Variants in VPS4B observed in about 807,000 individuals in gnomAD.
The protein encoded by VPS4B is vacuolar protein sorting-associated protein 4B.
A neutral mutation model predicts 56.1 loss-of-function variants in VPS4B; 23 were observed. That is an observed-to-expected ratio of 0.41 (90% CI 0.30 to 0.58). The LOEUF (loss-of-function observed/expected upper bound fraction) is 0.58. Ranked by LOEUF, VPS4B falls within the 20% of genes least tolerant of loss-of-function variation. The pLI is 0.29. For missense variants in VPS4B, 372 were observed against 531.9 expected, an observed-to-expected ratio of 0.70 and a Z score of 2.96; for synonymous variants, 177 against 186.0, an observed-to-expected ratio of 0.95 and a Z score of 0.39.
At chr18:63,417,005 T>C (rs1056111269) in intron 1 of VPS4B, among the ~76,000 whole-genome samples, 2 of 152,090 alleles carry the variant, frequency 1.3e-5, no homozygotes, top group African/African-American at 2.4e-5. Flanking sequence ...TTTAGGGAGG[T>C]AGGTTCCATG....
chr18:63,407,585 T>C (rs759092848), intron 3 of VPS4B, 86 bp from the exon 4 acceptor site: 195 of 1,080,772 alleles, frequency 1.8e-4, no homozygotes, highest in Non-Finnish European at 1.6e-4. Context: ...CCTGAAATAT[T>C]TGTAATTTCA....
chr18:63,410,122 G>A (rs1278418330), intron 3 of VPS4B, among the ~76,000 whole-genome samples, 168 bp downstream of exon 3: 1 of 152,196 alleles, frequency 6.6e-6, no homozygotes, highest in Admixed American at 6.5e-5. Context: ...ACAACAATAT[G>A]TAAAAGAATG....
intron 1 of VPS4B, 35 bp from the exon 2 acceptor site, chr18:63,411,613 C>G: frequency 7.0e-7 from 1 of 1,421,976 alleles, no homozygotes; most frequent in Non-Finnish European, 9.5e-7. Flanking sequence ...ACATTTAAAT[C>G]AAAGCATAAA....
chr18:63,401,647 C>A (rs975746800), intron 5 of VPS4B, among the ~76,000 whole-genome samples: 1 of 152,032 alleles, frequency 6.6e-6, no homozygotes, highest in Admixed American at 6.6e-5. Context: ...TATAATCCTG[C>A]CTAAAATAAA....
chr18:63,406,263 A>G (rs573453330), intron 4 of VPS4B, among the ~76,000 whole-genome samples: 16 of 152,352 alleles, frequency 1.1e-4, no homozygotes, highest in Admixed American at 7.8e-4. Flanking sequence ...CCCTTGGACT[A>G]TATCTACCAC....
intron 5 of VPS4B, 145 bp from the exon 6 acceptor site, chr18:63,400,848 C>A: frequency 1.2e-6 from 1 of 838,018 alleles, no homozygotes; most frequent in Non-Finnish European, 1.7e-6. Flanking sequence ...TAAGGTATGT[C>A]TTAAATATAT....
At position 63,400,400 on chromosome 18, in the gene VPS4B, T is replaced by C. The variant is rs570254590; in HGVS notation, c.641+147A>G. ...CTATCTTTTCCCACAAAAGAAATTC[T>C]AGATTAGAGACTGATTTGACAGAGA... is the stretch of plus-strand genomic sequence containing the variant. On this transcript the variant is annotated intron_variant, in intron 6 of 10. Transcript: ENST00000238497. The C allele has an allele frequency of 1.2e-4, 130 of 1,114,570 alleles. No individual in the cohort carries two copies. In the South Asian group the frequency reaches 2.1e-3, roughly 18 times the overall value. The allele number at this position is 1,114,570 out of a possible 1,614,324, so 69.0% of individuals were successfully genotyped here.
rs1381131744 is a variant in VPS4B, at chr18:63,389,984, A to ATTT, written c.*990_*991insAAA. 2 of 152,774 alleles carry ATTT rather than the reference A, an allele frequency of 1.3e-5. No individual in the cohort carries two copies. The highest frequency in any genetic ancestry group is 4.1e-4 in the South Asian group (2 of 4,832). The allele number at this position is 152,774 out of a possible 1,614,324, so 9.5% of individuals were successfully genotyped here. A position where few individuals can be genotyped will look rare whatever the true frequency, so the allele number is the denominator to read the frequency against. On this transcript the variant is annotated 3_prime_UTR_variant, in exon 11 of 11. Transcript: ENST00000238497. ...GTAAAGACAATGTCTAATTTAGAAAATCTTCCTCTTGAGATTGCACAGTGA... is the reference window on the plus strand; with the variant it reads ...GTAAAGACAATGTCTAATTTAGAAAATTTTCTTCCTCTTGAGATTGCACAGTGA...
intron 1 of VPS4B, among the ~76,000 whole-genome samples, chr18:63,418,782 G>A (rs1568092487): frequency 2.0e-5 from 3 of 152,064 alleles, no homozygotes; most frequent in Non-Finnish European, 4.4e-5. Flanking sequence ...AATTTCTAAC[G>A]TGGTCTTTGT....
At chr18:63,401,715 G>A (rs866411234) in intron 5 of VPS4B, among the ~76,000 whole-genome samples, 52 of 152,300 alleles carry the variant, frequency 3.4e-4, no homozygotes, top group African/African-American at 1.3e-3. Context: ...AACTATGGCT[G>A]GGCATGGTGG....
chr18:63,417,753 C>G (rs545442487), intron 1 of VPS4B, among the ~76,000 whole-genome samples: 7 of 152,222 alleles, frequency 4.6e-5, no homozygotes, highest in African/African-American at 1.7e-4. Flanking sequence ...GTCTTCACTT[C>G]TTTATATTCC....
chr18:63,402,894 T>C (rs1266880778), intron 5 of VPS4B, among the ~76,000 whole-genome samples: 2 of 152,200 alleles, frequency 1.3e-5, no homozygotes, highest in Non-Finnish European at 2.9e-5. Flanking sequence ...GAGGCCAACA[T>C]TGCAGATTTG....
chr18:63,399,375 A>C (rs1347357872), intron 7 of VPS4B, 52 bp from the exon 8 acceptor site: 2 of 1,498,050 alleles, frequency 1.3e-6, no homozygotes, highest in Admixed American at 3.4e-5. Flanking sequence ...GGTGTTCTTT[A>C]AACTTCTTCC....
intron 1 of VPS4B, among the ~76,000 whole-genome samples, chr18:63,414,853 C>T (rs1916127914): frequency 6.6e-6 from 1 of 152,208 alleles, no homozygotes; most frequent in Non-Finnish European, 1.5e-5. Context: ...CACTGAGGCA[C>T]CACACTGATT....
chr18:63,391,048 G>A lies in VPS4B; in HGVS notation c.1262C>T (p.Thr421Ile). The change falls in exon 11 of 11, where the codon ACA becomes ATA. Residue 421 changes from threonine (T) to isoleucine (I), a missense_variant. Coordinates refer to ENST00000238497, the MANE Select transcript of VPS4B (RefSeq NM_004869.4). Reference protein sequence around the residue: ...MSDMLRSLSNTKPTVNEHDLL... With the variant: ...MSDMLRSLSNIKPTVNEHDLL... ...GTCATGTTCATTGACTGTAGGTTTT[G>A]TGTTAGATAGTGACCGCAACATATC... 6.2e-7 allele frequency: 1 copy of A among 1,613,412 alleles called. No homozygotes were observed. The highest frequency in any genetic ancestry group is 1.1e-5 in the South Asian group (1 of 91,046).
chr18:63,406,001 G>GA (rs576541073), intron 4 of VPS4B, among the ~76,000 whole-genome samples: 49 of 146,782 alleles, frequency 3.3e-4, no homozygotes, highest in East Asian at 9.9e-4. Context: ...AAACAAAAAA[G>GA]AAAAAAAAAA....
At chr18:63,392,725 G>C (rs762902239) in intron 10 of VPS4B, among the ~76,000 whole-genome samples, 1 of 148,208 alleles carries the variant, frequency 6.7e-6, no homozygotes, top group Non-Finnish European at 1.5e-5. Flanking sequence ...TGGGATTACA[G>C]GCATGAGCCA....
chr18:63,413,463 C>A (rs762072933), intron 1 of VPS4B, among the ~76,000 whole-genome samples: 2 of 150,634 alleles, frequency 1.3e-5, no homozygotes, highest in East Asian at 3.9e-4. Flanking sequence ...TGCTTGAACC[C>A]GGGAGGCGGT....
At chr18:63,396,804 C>A (rs1277870002) in intron 9 of VPS4B, 3 of 460,070 alleles carry the variant, frequency 6.5e-6, no homozygotes, top group Non-Finnish European at 1.2e-5. Flanking sequence ...GCCTGGCCAA[C>A]ATGGTGAAAT....
Sources: allele counts gnomAD v4.1 joint callset (sites outside exome capture counted in the v4.1 genomes callset), GRCh38; gene constraint gnomAD v4.1.1; transcripts MANE v1.5; gene names NCBI Gene and HGNC (gene_info 2026-07-23, HGNC 2026-07-21).